Variants in RIT2 observed in about 807,000 individuals in gnomAD.
RIT2 encodes GTP-binding protein Rit2.
Under a neutral mutation model 23.7 loss-of-function variants are expected in RIT2, and 24 were observed. The ratio of observed to expected loss-of-function variants is 1.01; its 90% CI spans 0.73 to 1.43. The LOEUF (loss-of-function observed/expected upper bound fraction) is 1.43, where lower values mean the gene tolerates loss of function less well. Ranked by LOEUF, RIT2 falls within the 40% of genes most tolerant of loss-of-function variation. The probability of loss-of-function intolerance (pLI) is 0.00; values close to 1 mark genes in which losing one functional copy is unlikely to be tolerated. For missense variants in RIT2, 236 were observed against 266.9 expected, an observed-to-expected ratio of 0.88 and a Z score of 0.81; for synonymous variants, 107 against 91.1, an observed-to-expected ratio of 1.17 and a Z score of -0.99.
intron 4 of RIT2, among the ~76,000 whole-genome samples, chr18:42,802,841 G>A (rs1423693525): frequency 1.3e-5 from 2 of 152,108 alleles, no homozygotes; most frequent in African/African-American, 2.4e-5. Flanking sequence ...ATTTTGAAAT[G>A]TTATGCCCTT....
rs149350528 is a variant in RIT2 at position 43,098,290 on chromosome 18, G to A, written c.103+17127C>T. On this transcript the variant is annotated intron_variant, in intron 1 of 4. Transcript: ENST00000326695. ...TTTTATGGTCAGAGTTTTCAAAAATGGCAGAAACATGTGTCTTCCTTTCTG... is the reference window on the plus strand; with the variant it reads ...TTTTATGGTCAGAGTTTTCAAAAATAGCAGAAACATGTGTCTTCCTTTCTG... Among the ~76,000 whole-genome samples the A allele has an allele frequency of 3.1e-3, 474 of 151,990 alleles. 3 individuals are homozygous for A. The highest frequency in any genetic ancestry group is 0.011 in the African/African-American group (447 of 41,530).
chr18:42,903,376 A>C (rs1267455425), intron 4 of RIT2, among the ~76,000 whole-genome samples: 3 of 152,092 alleles, frequency 2.0e-5, no homozygotes, highest in Non-Finnish European at 4.4e-5. Context: ...ATTATCTAAG[A>C]GCTGCAAAGC....
At chr18:42,898,383 G>T (rs1035121089) in intron 4 of RIT2, among the ~76,000 whole-genome samples, 66 of 152,222 alleles carry the variant, frequency 4.3e-4, no homozygotes, top group African/African-American at 1.5e-3. Context: ...GACAGAGTGA[G>T]ACTGTCCCAA....
intron 4 of RIT2, among the ~76,000 whole-genome samples, chr18:42,772,014 C>G (rs1210879207): frequency 6.6e-6 from 1 of 152,110 alleles, no homozygotes; most frequent in Non-Finnish European, 1.5e-5. Flanking sequence ...GCAAGCAACT[C>G]AGATCTGCTT....
Position 43,092,944 on chromosome 18 carries a change from C to T in RIT2, c.103+22473G>A, listed in dbSNP as rs139751164. Among the ~76,000 whole-genome samples the T allele has an allele frequency of 4.4e-3, 675 of 152,146 alleles. 3 individuals carry two copies. Among genetic ancestry groups the T allele is most frequent in the African/African-American group, 0.011 (464 of 41,542 alleles). ...TTAAATAATGTTATTTTTATCACTACATATTAGCTAATACGAGCTTTGACA... is the reference window on the plus strand; with the variant it reads ...TTAAATAATGTTATTTTTATCACTATATATTAGCTAATACGAGCTTTGACA... On this transcript the variant is annotated intron_variant, in intron 1 of 4. Transcript: ENST00000326695.
At chr18:43,049,249 G>T (rs1912321083) in intron 1 of RIT2, among the ~76,000 whole-genome samples, 2 of 152,164 alleles carry the variant, frequency 1.3e-5, no homozygotes, top group East Asian at 1.9e-4. Flanking sequence ...CTACCGGGAA[G>T]TTGTCCAGGG....
At chr18:42,794,970 A>G (rs985693022) in intron 4 of RIT2, among the ~76,000 whole-genome samples, 4 of 152,270 alleles carry the variant, frequency 2.6e-5, no homozygotes, top group Non-Finnish European at 5.9e-5. Flanking sequence ...TGTCAAAGAC[A>G]GTAGAAAAAT....
intron 4 of RIT2, among the ~76,000 whole-genome samples, chr18:42,754,254 G>A (rs1258772367): frequency 6.6e-6 from 1 of 152,030 alleles, no homozygotes; most frequent in Non-Finnish European, 1.5e-5. Flanking sequence ...TTTGTGGTAG[G>A]CAGAAGGAAA....
chr18:42,752,897 G>A (rs1913079550), intron 4 of RIT2, among the ~76,000 whole-genome samples: 1 of 152,054 alleles, frequency 6.6e-6, no homozygotes. Context: ...GCCTTAGAAA[G>A]CAATGGCAGA....
intron 3 of RIT2, among the ~76,000 whole-genome samples, chr18:42,965,657 A>G (rs930377370): frequency 1.3e-5 from 2 of 151,352 alleles, no homozygotes; most frequent in Non-Finnish European, 2.9e-5. Flanking sequence ...TAAAGGATAT[A>G]AAGAAATATA....
intron 4 of RIT2, among the ~76,000 whole-genome samples, chr18:42,765,245 A>G (rs1913393511): frequency 6.6e-6 from 1 of 152,218 alleles, no homozygotes; most frequent in African/African-American, 2.4e-5. Flanking sequence ...AGCTTTAACT[A>G]TATGTAGAGA....
chr18:42,772,883 T>C (rs1264888569), intron 4 of RIT2, among the ~76,000 whole-genome samples: 3 of 152,156 alleles, frequency 2.0e-5, no homozygotes, highest in Non-Finnish European at 4.4e-5. Context: ...TCTTTATACA[T>C]GTTGCTGCTG....
At chr18:42,880,059 T>C (rs1279498464) in intron 4 of RIT2, among the ~76,000 whole-genome samples, 2 of 152,196 alleles carry the variant, frequency 1.3e-5, no homozygotes, top group Non-Finnish European at 2.9e-5. Context: ...TAGGTCCATT[T>C]CCCTTAAGGG....
intron 3 of RIT2, among the ~76,000 whole-genome samples, chr18:42,927,349 A>G (rs1027714267): frequency 6.9e-6 from 1 of 145,002 alleles, no homozygotes; most frequent in African/African-American, 2.5e-5. Context: ...CAACACGTAT[A>G]TATGTTTCCA....
chr18:42,929,639 T>A (rs111498689), intron 3 of RIT2, among the ~76,000 whole-genome samples: 70 of 152,244 alleles, frequency 4.6e-4, no homozygotes, highest in Middle Eastern at 6.8e-3. Flanking sequence ...TAGATCCCAA[T>A]GCAAAGTGAA....
At chr18:42,816,150 A>AG (rs1305888918) in intron 4 of RIT2, among the ~76,000 whole-genome samples, 1 of 152,182 alleles carries the variant, frequency 6.6e-6, no homozygotes, top group African/African-American at 2.4e-5. Context: ...CAAAAAAAAA[A>AG]AAAGTCTGAT....
chr18:42,896,315 T>A (rs1908329328), intron 4 of RIT2, among the ~76,000 whole-genome samples: 1 of 152,242 alleles, frequency 6.6e-6, no homozygotes, highest in African/African-American at 2.4e-5. Flanking sequence ...TGAGAAGGCA[T>A]GGATTCAACG....
At chr18:42,960,094 T>G (rs751778856) in intron 3 of RIT2, among the ~76,000 whole-genome samples, 7 of 152,216 alleles carry the variant, frequency 4.6e-5, no homozygotes, top group Non-Finnish European at 8.8e-5. Flanking sequence ...CAAGCTTCAC[T>G]CTTCTGTGGT....
intron 1 of RIT2, among the ~76,000 whole-genome samples, chr18:43,078,985 G>C (rs1913091307): frequency 6.6e-6 from 1 of 152,190 alleles, no homozygotes; most frequent in Non-Finnish European, 1.5e-5. Context: ...CAGTGACAGA[G>C]CAGAGCCCTG....
Sources: gnomAD v4.1 joint callset for allele counts (sites outside exome capture counted in the v4.1 genomes callset) on GRCh38, gnomAD v4.1.1 for gene constraint, MANE v1.5 for transcripts, NCBI Gene and HGNC (gene_info 2026-07-23, HGNC 2026-07-21) for gene names.